Variants in VSIG1 observed in about 807,000 individuals in gnomAD.
VSIG1 encodes V-set and immunoglobulin domain containing 1.
Under a neutral mutation model 20.1 loss-of-function variants are expected in VSIG1, and 11 were observed. The observed-to-expected ratio is 0.55, with a 90% CI of 0.34 to 0.91. The LOEUF (loss-of-function observed/expected upper bound fraction) is 0.91. Ranked by LOEUF, VSIG1 falls within the 40% of genes least tolerant of loss-of-function variation. The probability of loss-of-function intolerance (pLI) is 0.02; values close to 1 mark genes in which losing one functional copy is unlikely to be tolerated. For missense variants in VSIG1, 283 were observed against 298.8 expected, an observed-to-expected ratio of 0.95 and a Z score of 0.39; for synonymous variants, 126 against 116.7, an observed-to-expected ratio of 1.08 and a Z score of -0.52.
the VSIG1 span, among the ~76,000 whole-genome samples, chrX:108,027,996 T>C: frequency 1.8e-5 from 2 of 111,066 alleles, no homozygotes; most frequent in African/African-American, 6.6e-5. Context: ...AAAAAAAAGA[T>C]AGTATAATTT....
the VSIG1 span, among the ~76,000 whole-genome samples, chrX:108,032,399 T>C: frequency 3.6e-5 from 4 of 112,248 alleles, no homozygotes; most frequent in South Asian, 1.5e-3. Flanking sequence ...GGCCCTGTTC[T>C]AGGTGATTAG....
the VSIG1 span, among the ~76,000 whole-genome samples, chrX:108,031,538 T>C: frequency 8.9e-6 from 1 of 111,831 alleles, no homozygotes; most frequent in East Asian, 2.8e-4. Flanking sequence ...TAACTCCTGC[T>C]CAGATGTTGG....
In VSIG1 at chrX:108,047,877, T is replaced by TATATAC. The variant is rs2030646423; in HGVS notation, c.49+2703_49+2704insCATATA. On this transcript the variant is annotated intron_variant, in intron 1 of 6. Transcript: ENST00000217957. ...ATATACACATATATATATACACATA[T>TATATAC]ATATATATACACACATATATATATA... Among the ~76,000 whole-genome samples, 4 of 31,605 alleles carry TATATAC rather than the reference T, an allele frequency of 1.3e-4. No individual in the cohort carries two copies. The East Asian group carries it at 1.7e-3, about 13-fold the overall frequency. The allele number at this position is 31,605 out of a possible 115,157, so 27.4% of individuals were successfully genotyped here. A position where few individuals can be genotyped will look rare whatever the true frequency, so the allele number is the denominator to read the frequency against.
At chrX:108,043,211 T>C (rs1033905347), upstream of VSIG1, among the ~76,000 whole-genome samples, 1 of 112,073 alleles carries the variant, frequency 8.9e-6, no homozygotes, top group African/African-American at 3.2e-5. Flanking sequence ...CTGCTGTTCC[T>C]CCTCACCCTC....
chrX:108,022,572 C>T, the VSIG1 span, among the ~76,000 whole-genome samples: 1 of 111,830 alleles, frequency 8.9e-6, no homozygotes, highest in Non-Finnish European at 1.9e-5. Flanking sequence ...CTAGAGCTTT[C>T]CATACAATGT....
chrX:108,067,251 T>G, intron 3 of VSIG1, 117 bp downstream of exon 3: 1 of 768,660 alleles, frequency 1.3e-6, no homozygotes, highest in Non-Finnish European at 1.9e-6. Context: ...CTCCCTAATA[T>G]TTTCATTATC....
At chrX:108,052,961 G>C in intron 1 of VSIG1, among the ~76,000 whole-genome samples, 1 of 110,282 alleles carries the variant, frequency 9.1e-6, no homozygotes, top group Non-Finnish European at 1.9e-5. Flanking sequence ...ATAAATTATA[G>C]AACTGTAAAA....
chrX:108,021,714 T>A, the VSIG1 span, among the ~76,000 whole-genome samples: 6 of 112,609 alleles, frequency 5.3e-5, no homozygotes, highest in African/African-American at 1.3e-4. Context: ...TGACCCACTT[T>A]AAGTTAATTT....
the VSIG1 span, among the ~76,000 whole-genome samples, chrX:108,031,998 GGA>G: frequency 8.9e-6 from 1 of 111,990 alleles, no homozygotes; most frequent in African/African-American, 3.2e-5. Context: ...GTTGCCCAGA[GGA>G]GCCTTTTTCT....
intron 3 of VSIG1, among the ~76,000 whole-genome samples, chrX:108,068,652 G>C (rs946229811): frequency 9.0e-6 from 1 of 111,698 alleles, no homozygotes; most frequent in African/African-American, 3.3e-5. Context: ...CACCGAGGGG[G>C]AAATCCGCCC....
the VSIG1 span, among the ~76,000 whole-genome samples, chrX:108,032,945 T>C: frequency 9.0e-6 from 1 of 111,432 alleles, no homozygotes; most frequent in African/African-American, 3.3e-5. Flanking sequence ...ACAAAACAGC[T>C]TTCCCTACAG....
chrX:108,051,864 G>A (rs2030792180), intron 1 of VSIG1, among the ~76,000 whole-genome samples: 1 of 112,097 alleles, frequency 8.9e-6, no homozygotes, highest in African/African-American at 3.2e-5. Flanking sequence ...GGGACATTAT[G>A]CTAAGTGAAG....
At chrX:108,070,920 G>A (rs699665) in intron 3 of VSIG1, among the ~76,000 whole-genome samples, 55,559 of 110,808 alleles carry the variant, frequency 0.5, 10,857 homozygotes, top group African/African-American at 0.69. Flanking sequence ...TGAACTGAGC[G>A]GAAGTCAATG....
rs2031376313 is a variant in VSIG1 at position 108,077,531 on chromosome X, C to T, written c.*150C>T. 4.6e-6 allele frequency: 3 copies of T among 648,543 alleles called. No individual in the cohort carries two copies. The highest frequency in any genetic ancestry group is 3.3e-5 in the Admixed American group (1 of 30,461). 53.4% of individuals were successfully genotyped at this position (648,543 alleles called of 1,213,427 possible). On this transcript the variant is annotated 3_prime_UTR_variant, in exon 7 of 7. Coordinates refer to ENST00000217957, the MANE Select transcript of VSIG1 (RefSeq NM_182607.5). ...ATTCCTACTATGAATCCAGAATAAA[C>T]ACGCCAAGATAACAGCTAAATCAGC...
intron 2 of VSIG1, among the ~76,000 whole-genome samples, chrX:108,065,817 A>G (rs1039106219): frequency 2.7e-5 from 3 of 112,485 alleles, no homozygotes; most frequent in African/African-American, 9.7e-5. Context: ...ACTACCTAAA[A>G]TCAACTTAAA....
intron 3 of VSIG1, among the ~76,000 whole-genome samples, chrX:108,071,892 CAAAAAAAAA>C (rs1203449181): frequency 5.5e-5 from 2 of 36,406 alleles, no homozygotes; most frequent in African/African-American, 1.7e-4. Context: ...TGAACAAATG[CAAAAAAAAA>C]AAAAAAAAAG....
At chrX:108,028,566 G>A in the VSIG1 span, among the ~76,000 whole-genome samples, 1 of 111,125 alleles carries the variant, frequency 9.0e-6, no homozygotes, top group Non-Finnish European at 1.9e-5. Flanking sequence ...TGCAATGAAT[G>A]AAGTGAATAG....
At chrX:108,076,595 C>T (rs2031352413) in intron 6 of VSIG1, among the ~76,000 whole-genome samples, 1 of 112,187 alleles carries the variant, frequency 8.9e-6, no homozygotes, top group African/African-American at 3.2e-5. Flanking sequence ...TAGAATGTGG[C>T]CCAGCCCACA....
Position 108,077,196 on chromosome X carries a change from G to T in VSIG1, c.979G>T (p.Glu327Ter). 1 of 1,211,912 alleles carries T rather than the reference G, an allele frequency of 8.3e-7. No homozygotes were observed. Among genetic ancestry groups the T allele is most frequent in the Non-Finnish European group, 1.1e-6 (1 of 895,555 alleles). The change falls in exon 7 of 7, where the codon GAG becomes TAG. Residue 327 changes from glutamate (E) to a stop codon, truncating the protein, a stop_gained. Transcript: ENST00000217957. LOFTEE classifies it low-confidence loss of function (END_TRUNC). The part of the protein sequence containing the change: ...EPDYEPKPTQ[E>*]PAPEPAPGSE... The stretch of plus-strand genomic sequence containing the variant: ...AGACTATGAGCCAAAGCCTACTCAG[G>T]AGCCTGCCCCAGAGCCTGCCCCAGG...
Sources: allele counts gnomAD v4.1 joint callset (sites outside exome capture counted in the v4.1 genomes callset), GRCh38; gene constraint gnomAD v4.1.1; transcripts MANE v1.5; gene names NCBI Gene and HGNC (gene_info 2026-07-23, HGNC 2026-07-21).